The following NRXN3 variants were observed in gnomAD, a reference collection of about 807,000 sequenced individuals.
The protein encoded by NRXN3 is neurexin III.
NRXN3 carries 32 observed loss-of-function variants against 137.6 expected under a neutral mutation model. That is an observed-to-expected ratio of 0.23 (90% confidence interval 0.18 to 0.31). NRXN3 has a LOEUF of 0.31. Ranked by LOEUF, NRXN3 falls within the 10% of genes least tolerant of loss-of-function variation. The probability of loss-of-function intolerance (pLI) is 1.00; values close to 1 mark genes in which losing one functional copy is unlikely to be tolerated. For missense variants in NRXN3, 1,574 were observed against 2,062.5 expected, an observed-to-expected ratio of 0.76 and a Z score of 4.59; for synonymous variants, 798 against 784.5, an observed-to-expected ratio of 1.02 and a Z score of -0.29.
intron 4 of NRXN3, among the ~76,000 whole-genome samples, chr14:78,312,390 A>G (rs2078074769): frequency 6.6e-6 from 1 of 152,096 alleles, no homozygotes; most frequent in African/African-American, 2.4e-5. Context: ...TTATACCCAT[A>G]ACTTTTTCTT....
At chr14:78,772,419 C>T (rs1461470463) in intron 8 of NRXN3, among the ~76,000 whole-genome samples, 1 of 152,152 alleles carries the variant, frequency 6.6e-6, no homozygotes, top group Non-Finnish European at 1.5e-5. Flanking sequence ...CCTCCTTGCA[C>T]TACTCACCAT....
intron 4 of NRXN3, among the ~76,000 whole-genome samples, chr14:78,446,890 A>G (rs983419751): frequency 6.6e-6 from 1 of 152,186 alleles, no homozygotes; most frequent in African/African-American, 2.4e-5. Context: ...TTTTATTGCC[A>G]TCAACTTCTA....
chr14:78,789,412 G>A (rs1311232912), intron 8 of NRXN3, among the ~76,000 whole-genome samples: 1 of 152,114 alleles, frequency 6.6e-6, no homozygotes, highest in African/African-American at 2.4e-5. Context: ...ACCAAAGGGA[G>A]TGCCACAGAT....
chr14:78,404,944 C>T (rs2092383731), intron 4 of NRXN3, among the ~76,000 whole-genome samples: 1 of 152,158 alleles, frequency 6.6e-6, no homozygotes. Flanking sequence ...TCATCTCTGT[C>T]TTGTGTTTCA....
chr14:78,632,160 A>G (rs2097528713), intron 4 of NRXN3, among the ~76,000 whole-genome samples: 1 of 152,028 alleles, frequency 6.6e-6, no homozygotes, highest in Non-Finnish European at 1.5e-5. Context: ...TGCTCTCATA[A>G]TTAAGATAAT....
intron 4 of NRXN3, among the ~76,000 whole-genome samples, chr14:78,396,109 A>G (rs2091427395): frequency 6.6e-6 from 1 of 151,198 alleles, no homozygotes; most frequent in Non-Finnish European, 1.5e-5. Context: ...ATTTTGATTT[A>G]TCTATGGTAT....
intron 19 of NRXN3, among the ~76,000 whole-genome samples, chr14:79,793,935 A>G (rs1450186575): frequency 6.6e-6 from 1 of 152,172 alleles, no homozygotes; most frequent in Non-Finnish European, 1.5e-5. Context: ...ATGCCATCCA[A>G]AAGTAACTTA....
chr14:79,068,957 T>G (rs571832576), intron 15 of NRXN3, among the ~76,000 whole-genome samples: 1 of 152,158 alleles, frequency 6.6e-6, no homozygotes, highest in East Asian at 1.9e-4. Context: ...TACCTTTAAT[T>G]TGATTAACTT....
At chr14:78,961,612 G>A (rs191213236) in intron 11 of NRXN3, among the ~76,000 whole-genome samples, 9 of 152,286 alleles carry the variant, frequency 5.9e-5, no homozygotes, top group African/African-American at 1.4e-4. Context: ...AAAACTTTAC[G>A]TGTGTTGATA....
intron 4 of NRXN3, among the ~76,000 whole-genome samples, chr14:78,336,617 C>T (rs766780595): frequency 6.6e-6 from 1 of 152,140 alleles, no homozygotes; most frequent in East Asian, 1.9e-4. Context: ...AGTGGACATC[C>T]TCTGCTCATT....
chr14:78,244,343 T>C (rs2067381582), intron 2 of NRXN3, among the ~76,000 whole-genome samples: 1 of 151,702 alleles, frequency 6.6e-6, no homozygotes, highest in African/African-American at 2.4e-5. Flanking sequence ...GGCAGGATAA[T>C]CGCTCTAACC....
chr14:79,516,576 G>T (rs1284696790), intron 16 of NRXN3, among the ~76,000 whole-genome samples: 1 of 152,014 alleles, frequency 6.6e-6, no homozygotes, highest in African/African-American at 2.4e-5. Context: ...TTAAATTTTT[G>T]AATAGATAAT....
At chr14:79,110,566 A>T (rs1224076926) in intron 15 of NRXN3, among the ~76,000 whole-genome samples, 3 of 152,176 alleles carry the variant, frequency 2.0e-5, no homozygotes, top group Non-Finnish European at 2.9e-5. Flanking sequence ...TGCTAAATAG[A>T]TGGATGCATT....
chr14:78,727,633 G>T (rs1285464229), intron 8 of NRXN3, among the ~76,000 whole-genome samples: 1 of 152,114 alleles, frequency 6.6e-6, no homozygotes, highest in Non-Finnish European at 1.5e-5. Flanking sequence ...TACTTGGGAG[G>T]CTGAGATAGG....
intron 1 of NRXN3, among the ~76,000 whole-genome samples, chr14:78,205,307 G>A (rs940423118): frequency 6.6e-6 from 1 of 152,240 alleles, no homozygotes; most frequent in East Asian, 1.9e-4. Context: ...GTCTGGGGGG[G>A]ATTAAGTCAC....
At chr14:79,736,373 C>G (rs1230316513) in intron 19 of NRXN3, among the ~76,000 whole-genome samples, 1 of 152,160 alleles carries the variant, frequency 6.6e-6, no homozygotes, top group Non-Finnish European at 1.5e-5. Flanking sequence ...CTGACCCCAT[C>G]AGGTATTTTT....
chr14:79,799,573 C>T (rs903731191), intron 19 of NRXN3, among the ~76,000 whole-genome samples: 1 of 152,166 alleles, frequency 6.6e-6, no homozygotes, highest in African/African-American at 2.4e-5. Flanking sequence ...TAGTCCATCC[C>T]TTCCCTCCAG....
chr14:79,746,549 C>T (rs1034293899), intron 19 of NRXN3, among the ~76,000 whole-genome samples: 7 of 152,100 alleles, frequency 4.6e-5, no homozygotes, highest in African/African-American at 1.7e-4. Flanking sequence ...TCTCAAAATA[C>T]ATACTTTTTC....
At chr14:78,902,697 C>A (rs2099200668) in intron 10 of NRXN3, among the ~76,000 whole-genome samples, 1 of 151,954 alleles carries the variant, frequency 6.6e-6, no homozygotes, top group Non-Finnish European at 1.5e-5. Context: ...GCCTGATGTA[C>A]AAGGCTCTTA....
Sources: gnomAD v4.1 joint callset for allele counts (sites outside exome capture counted in the v4.1 genomes callset) on GRCh38, gnomAD v4.1.1 for gene constraint, MANE v1.5 for transcripts, NCBI Gene and HGNC (gene_info 2026-07-23, HGNC 2026-07-21) for gene names.